The following PTK2 variants were observed in gnomAD, a reference collection of about 807,000 sequenced individuals.
PTK2 encodes the protein protein tyrosine kinase 2.
PTK2 carries 45 observed loss-of-function variants against 150.1 expected under a neutral mutation model. The observed-to-expected ratio is 0.30, with a 90% confidence interval of 0.24 to 0.38. PTK2 has a LOEUF of 0.38. Among genes scored for constraint, PTK2 ranks in the 10% least tolerant of loss-of-function variants. The pLI, the probability that PTK2 is intolerant of heterozygous loss-of-function variation, is 1.00. For synonymous variants in PTK2, 432 were observed against 449.2 expected, an observed-to-expected ratio of 0.96 and a Z score of 0.48; for missense variants, 919 against 1,307.3, an observed-to-expected ratio of 0.70 and a Z score of 4.58.
chr8:140,739,045 T>C (rs111757839), exon 21 of PTK2: 1 of 1,581,148 alleles, frequency 6.3e-7, no homozygotes, highest in South Asian at 1.2e-5. Context: ...CTAGCTGAGG[T>C]AAAACGTCGA....
intron 11 of PTK2, 60 bp from the exon 12 acceptor site, chr8:140,800,636 G>T: frequency 7.7e-7 from 1 of 1,303,190 alleles, no homozygotes; most frequent in African/African-American, 1.5e-5. Context: ...GCAAAGGACA[G>T]CTGTGCTATG....
chr8:140,820,180 A>C (rs1356929670), intron 8 of PTK2, among the ~76,000 whole-genome samples: 1 of 134,396 alleles, frequency 7.4e-6, no homozygotes, highest in Non-Finnish European at 1.5e-5. Flanking sequence ...GCTCACTGCA[A>C]CCTCTGCCTC....
chr8:140,877,661 T>A (rs886107539), intron 4 of PTK2, among the ~76,000 whole-genome samples: 6 of 151,972 alleles, frequency 3.9e-5, no homozygotes, highest in African/African-American at 1.5e-4. Context: ...GTCATCATCA[T>A]CATCATCATT....
intron 7 of PTK2, among the ~76,000 whole-genome samples, chr8:140,835,815 T>G (rs1395374986): frequency 2.0e-5 from 3 of 151,916 alleles, no homozygotes; most frequent in Non-Finnish European, 4.4e-5. Flanking sequence ...CTATATGGAG[T>G]GTGCATGTTC....
chr8:140,818,914 C>T (rs2100106424), exon 9 of PTK2: 1 of 1,613,476 alleles, frequency 6.2e-7, no homozygotes. Flanking sequence ...CTTATCAAAT[C>T]TGTAGACTGG....
At chr8:140,814,551 A>G (rs543153882) in intron 10 of PTK2, among the ~76,000 whole-genome samples, 1 of 152,332 alleles carries the variant, frequency 6.6e-6, no homozygotes, top group East Asian at 1.9e-4. Context: ...AACTAAAAAC[A>G]AAAACCACAG....
At chr8:140,849,802 C>T (rs1354747401) in intron 5 of PTK2, among the ~76,000 whole-genome samples, 3 of 152,186 alleles carry the variant, frequency 2.0e-5, no homozygotes, top group Non-Finnish European at 4.4e-5. Flanking sequence ...GATCAGAAAA[C>T]TTAACTTCGT....
intron 5 of PTK2, among the ~76,000 whole-genome samples, chr8:140,847,042 C>T (rs951268882): frequency 2.0e-5 from 3 of 152,118 alleles, no homozygotes; most frequent in South Asian, 4.1e-4. Flanking sequence ...TTAAATGGGA[C>T]ATTAAGAAAC....
chr8:140,971,439 C>A (rs2100187246), intron 1 of PTK2, among the ~76,000 whole-genome samples: 1 of 152,206 alleles, frequency 6.6e-6, no homozygotes, highest in African/African-American at 2.4e-5. Flanking sequence ...ACTTGGCCTA[C>A]CACACAGCAG....
intron 17 of PTK2, among the ~76,000 whole-genome samples, chr8:140,747,827 C>T (rs1443580172): frequency 2.0e-5 from 3 of 151,728 alleles, no homozygotes; most frequent in Non-Finnish European, 2.9e-5. Flanking sequence ...AGAAAGACGA[C>T]GACAACCATT....
intron 2 of PTK2, among the ~76,000 whole-genome samples, chr8:140,924,856 C>A (rs1405003460): frequency 6.6e-6 from 1 of 152,038 alleles, no homozygotes; most frequent in Non-Finnish European, 1.5e-5. Context: ...TTTAATAGAG[C>A]ACAAATGAAA....
chr8:140,842,498 C>T lies in PTK2; in HGVS notation c.593+3762G>A, dbSNP rs188593547. 7.2e-5 allele frequency among the ~76,000 whole-genome samples: 11 copies of T among 152,132 alleles called. No homozygotes were observed. In the East Asian group the frequency reaches 2.1e-3, roughly 29 times the overall value. On this transcript the variant is annotated intron_variant, in intron 7 of 31. Transcript: ENST00000522684. ...ATAAATTATCTCATCTAACTCCTTACGACAATCTCATATATAGGTAGGTAT... is the reference window on the plus strand; with the variant it reads ...ATAAATTATCTCATCTAACTCCTTATGACAATCTCATATATAGGTAGGTAT...
chr8:140,983,415 C>T (rs1446046790), intron 1 of PTK2, among the ~76,000 whole-genome samples: 1 of 150,328 alleles, frequency 6.7e-6, no homozygotes, highest in Non-Finnish European at 1.5e-5. Flanking sequence ...TTTGTTAAGG[C>T]TTTCATCAAT....
At chr8:140,800,423 A>T in intron 12 of PTK2, 36 bp downstream of exon 12, 1 of 1,522,540 alleles carries the variant, frequency 6.6e-7, no homozygotes, top group Non-Finnish European at 9.1e-7. Flanking sequence ...TATTTGGTAG[A>T]AGCGCAATTG....
intron 30 of PTK2, among the ~76,000 whole-genome samples, chr8:140,666,051 G>A (rs2091098036): frequency 6.6e-6 from 1 of 152,134 alleles, no homozygotes. Context: ...AAAAACAGTT[G>A]TAGGGGCCAG....
intron 7 of PTK2, among the ~76,000 whole-genome samples, chr8:140,840,473 GA>G (rs1354313779): frequency 1.3e-5 from 2 of 152,086 alleles, no homozygotes; most frequent in East Asian, 1.9e-4. Flanking sequence ...AAAATAACAG[GA>G]AAAAATGATG....
chr8:140,881,500 T>TA (rs2100149035), intron 3 of PTK2, among the ~76,000 whole-genome samples: 1 of 152,184 alleles, frequency 6.6e-6, no homozygotes, highest in African/African-American at 2.4e-5. Flanking sequence ...CACAGGTCAG[T>TA]AAGTCTCCTT....
At chr8:140,678,952 G>T (rs2100015418) in intron 27 of PTK2, among the ~76,000 whole-genome samples, 2 of 136,280 alleles carry the variant, frequency 1.5e-5, no homozygotes, top group African/African-American at 2.8e-5. Flanking sequence ...TTAAATTTAT[G>T]TGGTGCCTGT....
chr8:140,980,556 A>G (rs1253382772), intron 1 of PTK2, among the ~76,000 whole-genome samples: 1 of 152,068 alleles, frequency 6.6e-6, no homozygotes, highest in African/African-American at 2.4e-5. Context: ...CGGGAGGCGG[A>G]GGTTGCAGTG....
Sources: gnomAD v4.1 joint callset for allele counts (sites outside exome capture counted in the v4.1 genomes callset) on GRCh38, gnomAD v4.1.1 for gene constraint, MANE v1.5 for transcripts, NCBI Gene and HGNC (gene_info 2026-07-23, HGNC 2026-07-21) for gene names.